DEPTOR: variants seen among roughly 807,000 people sequenced by gnomAD.
DEPTOR encodes the protein DEP domain-containing mTOR-interacting protein.
In DEPTOR, 41 loss-of-function variants were observed where a neutral mutation model predicts 41.6. That is an observed-to-expected ratio of 0.98 (90% CI 0.77 to 1.28). The LOEUF (loss-of-function observed/expected upper bound fraction) is 1.28. Ranked by LOEUF, DEPTOR falls within the 50% of genes most tolerant of loss-of-function variation. DEPTOR has a pLI of 0.00. For missense variants in DEPTOR, 514 were observed against 527.9 expected (o/e 0.97, Z 0.26); for synonymous variants, 195 against 192.3 (o/e 1.01, Z -0.12).
At chr8:119,933,453 G>GACACAC (rs35420959) in intron 3 of DEPTOR, among the ~76,000 whole-genome samples, 6,623 of 124,432 alleles carry the variant, frequency 0.053, 262 homozygotes, top group African/African-American at 0.096. Flanking sequence ...GACAGAGCAA[G>GACACAC]ACACACACAC....
intron 1 of DEPTOR, among the ~76,000 whole-genome samples, chr8:119,900,078 T>G (rs1203274938): frequency 6.6e-6 from 1 of 152,052 alleles, no homozygotes; most frequent in Non-Finnish European, 1.5e-5. Flanking sequence ...CCCAGCACTT[T>G]GGGAGACTGA....
At chr8:120,033,081 CTTTTTT>C (rs35161313) in intron 8 of DEPTOR, among the ~76,000 whole-genome samples, 2 of 98,980 alleles carry the variant, frequency 2.0e-5, no homozygotes, top group Non-Finnish European at 3.9e-5. Flanking sequence ...ATATGGAATT[CTTTTTT>C]TTTTTTTTTT....
At chr8:119,985,900 T>G (rs1333737458) in intron 4 of DEPTOR, among the ~76,000 whole-genome samples, 2 of 143,082 alleles carry the variant, frequency 1.4e-5, no homozygotes, top group Non-Finnish European at 3.0e-5. Context: ...CTCCATCCCT[T>G]TATTTTGAGC....
At chr8:120,034,853 A>G (rs1365359392) in intron 8 of DEPTOR, among the ~76,000 whole-genome samples, 3 of 152,210 alleles carry the variant, frequency 2.0e-5, no homozygotes, top group Non-Finnish European at 4.4e-5. Context: ...AAAGAAAAAT[A>G]ATTTCTGGGT....
At chr8:119,948,810 G>A (rs906619003) in intron 3 of DEPTOR, among the ~76,000 whole-genome samples, 5 of 150,620 alleles carry the variant, frequency 3.3e-5, no homozygotes, top group South Asian at 2.1e-4. Context: ...TTTTTGAGAC[G>A]GAGTTTCACT....
At chr8:119,899,950 T>G (rs999278213) in intron 1 of DEPTOR, among the ~76,000 whole-genome samples, 10 of 152,174 alleles carry the variant, frequency 6.6e-5, no homozygotes, top group Non-Finnish European at 1.2e-4. Flanking sequence ...TTGTTCTTGT[T>G]TCTTGTAATC....
At chr8:120,016,551 C>T (rs1371693803) in intron 8 of DEPTOR, among the ~76,000 whole-genome samples, 1 of 151,304 alleles carries the variant, frequency 6.6e-6, no homozygotes. Context: ...TTCACGTGCC[C>T]CAGCCTCCCA....
At chr8:119,920,141 G>T (rs964045648) in intron 1 of DEPTOR, among the ~76,000 whole-genome samples, 3 of 151,952 alleles carry the variant, frequency 2.0e-5, no homozygotes, top group African/African-American at 7.3e-5. Flanking sequence ...GATTGAAAAT[G>T]CAGCTAAAAT....
At chr8:119,921,266 C>T (rs1222522186) in intron 1 of DEPTOR, among the ~76,000 whole-genome samples, 2 of 152,286 alleles carry the variant, frequency 1.3e-5, no homozygotes, top group East Asian at 3.9e-4. Flanking sequence ...TGTGAGCCAC[C>T]ATGCCCAGCT....
chr8:120,015,603 G>A (rs923270326), intron 8 of DEPTOR, among the ~76,000 whole-genome samples: 24 of 152,110 alleles, frequency 1.6e-4, no homozygotes, highest in African/African-American at 5.3e-4. Context: ...TGGAAAAAAC[G>A]ACATGGACAC....
chr8:119,929,483 G>T (rs941537635), intron 2 of DEPTOR, among the ~76,000 whole-genome samples: 1 of 151,798 alleles, frequency 6.6e-6, no homozygotes, highest in African/African-American at 2.4e-5. Context: ...CACATTCTTT[G>T]AGGCTGATGC....
At chr8:119,962,640 G>A (rs1257980706) in intron 3 of DEPTOR, among the ~76,000 whole-genome samples, 5 of 152,250 alleles carry the variant, frequency 3.3e-5, no homozygotes, top group African/African-American at 4.8e-5. Context: ...TTTTCAACAG[G>A]GGAAGGACAT....
chr8:120,015,136 C>G (rs752186376), intron 8 of DEPTOR, among the ~76,000 whole-genome samples: 5 of 152,268 alleles, frequency 3.3e-5, no homozygotes, highest in Non-Finnish European at 7.3e-5. Flanking sequence ...TAGGAATAAA[C>G]TCAGATGTTT....
At position 120,032,223 on chromosome 8, in the gene DEPTOR, T is replaced by C. The variant is rs1251574479; in HGVS notation, c.1102-17353T>C. ...TGACACTAACTTTCTTTTTTTTTTT[T>C]TTTTTTTTTTTTTGAGACAAAGTCT... On this transcript the variant is annotated intron_variant, in intron 8 of 8. Transcript: ENST00000286234. Among the ~76,000 whole-genome samples, 17 of 148,574 alleles carry C rather than the reference T, an allele frequency of 1.1e-4. No homozygotes were observed. The South Asian group carries it at 1.5e-3, about 13-fold the overall frequency.
chr8:120,041,042 T>C (rs1464389172), intron 8 of DEPTOR, among the ~76,000 whole-genome samples: 1 of 152,216 alleles, frequency 6.6e-6, no homozygotes, highest in Non-Finnish European at 1.5e-5. Context: ...AAATGTTTTA[T>C]GTTATTTTCA....
intron 1 of DEPTOR, among the ~76,000 whole-genome samples, chr8:119,916,544 T>A (rs896889766): frequency 2.0e-5 from 3 of 152,320 alleles, no homozygotes; most frequent in Admixed American, 2.0e-4. Flanking sequence ...GAATTAAAGT[T>A]AGTTTTATTT....
chr8:119,991,918 A>T (rs2130054394), intron 4 of DEPTOR, among the ~76,000 whole-genome samples: 1 of 152,346 alleles, frequency 6.6e-6, no homozygotes, highest in South Asian at 2.1e-4. Flanking sequence ...TCAGACTGTG[A>T]TCTAGCAGGA....
chr8:120,011,139 C>CA (rs1812526332), intron 8 of DEPTOR, among the ~76,000 whole-genome samples: 2 of 152,192 alleles, frequency 1.3e-5, no homozygotes, highest in Admixed American at 1.3e-4. Flanking sequence ...CATTGGTTTG[C>CA]ATGCTGGAAA....
intron 4 of DEPTOR, among the ~76,000 whole-genome samples, chr8:119,980,488 CTTTTCTTTTCTT>C (rs1828750932): frequency 7.0e-6 from 1 of 143,226 alleles, no homozygotes; most frequent in Non-Finnish European, 1.5e-5. Context: ...CTTTTCTTTT[CTTTTCTTTTCTT>C]TTCTTTTCTT....
Sources: allele counts gnomAD v4.1 joint callset (sites outside exome capture counted in the v4.1 genomes callset), GRCh38; gene constraint gnomAD v4.1.1; transcripts MANE v1.5; gene names NCBI Gene and HGNC (gene_info 2026-07-23, HGNC 2026-07-21).